Variants in EYA1 observed in about 807,000 individuals in gnomAD.
EYA1 encodes the protein EYA transcriptional coactivator and phosphatase 1, also known as protein phosphatase EYA1.
A neutral mutation model predicts 82.0 loss-of-function variants in EYA1; 16 were observed. The observed-to-expected ratio is 0.20, with a 90% CI of 0.13 to 0.30. The LOEUF (loss-of-function observed/expected upper bound fraction) is 0.30. Among genes scored for constraint, EYA1 ranks in the 10% least tolerant of loss-of-function variants. EYA1 has a pLI of 1.00. For synonymous variants in EYA1, 261 were observed against 264.4 expected (o/e 0.99, Z 0.12); for missense variants, 633 against 730.7 (o/e 0.87, Z 1.54).
intron 2 of EYA1, among the ~76,000 whole-genome samples, chr8:71,410,347 C>G (rs1290591441): frequency 1.7e-5 from 2 of 120,478 alleles, no homozygotes; most frequent in Middle Eastern, 3.9e-3. Context: ...CTCACCACTC[C>G]TATTCAACAT....
At chr8:71,288,399 G>T (rs1305522832) in intron 9 of EYA1, among the ~76,000 whole-genome samples, 1 of 152,136 alleles carries the variant, frequency 6.6e-6, no homozygotes. Flanking sequence ...ACACCCTTCT[G>T]TCTCCCAAGG....
intron 9 of EYA1, among the ~76,000 whole-genome samples, chr8:71,291,360 A>G (rs533373883): frequency 3.9e-5 from 6 of 152,206 alleles, no homozygotes; most frequent in Admixed American, 6.5e-5. Flanking sequence ...ATGGTTTCCC[A>G]TGCATATTGA....
chr8:71,251,200 A>G lies in EYA1; in HGVS notation c.1051-6508T>C, dbSNP rs75010039. 2.3e-3 allele frequency among the ~76,000 whole-genome samples: 355 copies of G among 152,364 alleles called. 1 individual carries two copies. The highest frequency in any genetic ancestry group is 8.3e-3 in the African/African-American group (346 of 41,594). The stretch of plus-strand genomic sequence containing the variant: ...TATGTATTACACCATTTTGTAAAAT[A>G]TGTTCTTATGTGCCATGAAATTTAC... On this transcript the variant is annotated intron_variant, in intron 11 of 17. Transcript: ENST00000340726.
At chr8:71,502,537 C>G (rs992310390) in intron 2 of EYA1, among the ~76,000 whole-genome samples, 28 of 152,192 alleles carry the variant, frequency 1.8e-4, no homozygotes, top group Admixed American at 1.8e-3. Context: ...TGAGTATAAG[C>G]ATGTCCCATG....
chr8:71,400,849 C>T (rs34629253), intron 2 of EYA1, among the ~76,000 whole-genome samples: 32,892 of 152,030 alleles, frequency 0.22, 4,346 homozygotes, highest in Non-Finnish European at 0.29. Context: ...ATGTTCACTG[C>T]AGCACTATTT....
At chr8:71,223,614 C>G (rs1170662583) in intron 12 of EYA1, among the ~76,000 whole-genome samples, 1 of 152,218 alleles carries the variant, frequency 6.6e-6, no homozygotes, top group Non-Finnish European at 1.5e-5. Flanking sequence ...CACGATCTCA[C>G]AGCCATGCGG....
intron 4 of EYA1, among the ~76,000 whole-genome samples, chr8:71,328,204 G>A (rs970474848): frequency 2.6e-5 from 4 of 152,062 alleles, no homozygotes; most frequent in Non-Finnish European, 5.9e-5. Flanking sequence ...TAGGAGTGGT[G>A]GCCACAGAGC....
chr8:71,427,580 T>C (rs1379833827), intron 2 of EYA1, among the ~76,000 whole-genome samples: 1 of 152,208 alleles, frequency 6.6e-6, no homozygotes, highest in Non-Finnish European at 1.5e-5. Context: ...GCTAAGATCA[T>C]GTCACCTTTT....
chr8:71,325,044 C>CA (rs2129036096), intron 4 of EYA1, among the ~76,000 whole-genome samples: 1 of 152,292 alleles, frequency 6.6e-6, no homozygotes, highest in East Asian at 1.9e-4. Context: ...TTCTCTAGCT[C>CA]ACAATCATTC....
chr8:71,371,513 C>T (rs147617644), intron 2 of EYA1, among the ~76,000 whole-genome samples: 57 of 152,230 alleles, frequency 3.7e-4, no homozygotes, highest in African/African-American at 1.3e-3. Context: ...AAATCAAGGG[C>T]AACAAGTCAT....
intron 9 of EYA1, among the ~76,000 whole-genome samples, chr8:71,274,961 C>T (rs905169606): frequency 1.4e-4 from 13 of 94,314 alleles, no homozygotes; most frequent in Non-Finnish European, 1.8e-4. Flanking sequence ...AGTGAACAAG[C>T]GCAAGCGCGT....
chr8:71,310,860 A>C (rs372323655), intron 7 of EYA1, among the ~76,000 whole-genome samples: 3 of 152,260 alleles, frequency 2.0e-5, no homozygotes, highest in Admixed American at 6.5e-5. Context: ...TATTTTAGAC[A>C]TAATACTAGA....
Position 71,310,860 on chromosome 8 carries a change from A to G in EYA1, c.556+6692T>C, listed in dbSNP as rs372323655. ...TAACAAACATTTGTATATTTTAGAC[A>G]TAATACTAGATACTGGAGATTAAAA... On this transcript the variant is annotated intron_variant, in intron 7 of 17. Transcript: ENST00000340726. Among the ~76,000 whole-genome samples the G allele has an allele frequency of 3.4e-4, 52 of 152,260 alleles. 1 individual carries two copies. The highest frequency in any genetic ancestry group is 6.3e-4 in the Non-Finnish European group (43 of 68,020).
chr8:71,481,230 T>C (rs1383979311), intron 2 of EYA1, among the ~76,000 whole-genome samples: 1 of 152,214 alleles, frequency 6.6e-6, no homozygotes, highest in Non-Finnish European at 1.5e-5. Context: ...ATTAAATATT[T>C]TTAGTTTAAA....
At chr8:71,454,611 A>C (rs979154908) in intron 2 of EYA1, among the ~76,000 whole-genome samples, 1 of 152,244 alleles carries the variant, frequency 6.6e-6, no homozygotes, top group African/African-American at 2.4e-5. Flanking sequence ...CAGGGTTAAG[A>C]AACTCACTAA....
At chr8:71,432,354 T>C (rs570438388) in intron 2 of EYA1, among the ~76,000 whole-genome samples, 2 of 152,342 alleles carry the variant, frequency 1.3e-5, no homozygotes, top group East Asian at 3.9e-4. Context: ...AGAAACGGTA[T>C]ATGACTACTA....
At chr8:71,334,400 C>A (rs1824249836) in intron 3 of EYA1, 1 of 587,500 alleles carries the variant, frequency 1.7e-6, no homozygotes, top group East Asian at 3.1e-5. Context: ...CCTTTAAAAG[C>A]AGCACTGTAA....
At chr8:71,244,532 C>G (rs575630108) in intron 12 of EYA1, 71 bp downstream of exon 12, 2 of 801,114 alleles carry the variant, frequency 2.5e-6, no homozygotes, top group African/African-American at 3.4e-5. Context: ...AAAATAATAT[C>G]CTATCTTTAT....
In EYA1 at chr8:71,304,729, G is replaced by C. The variant is rs529579859; in HGVS notation, c.557-5009C>G. On this transcript the variant is annotated intron_variant, in intron 7 of 17. Coordinates refer to ENST00000340726, the MANE Select transcript of EYA1 (RefSeq NM_000503.6). ...TCATTCTCTTCAAGCATTCAGAGCT[G>C]AAGCTTCTCAGAGCCTATCTGTGTG... Among the ~76,000 whole-genome samples, 7 of 143,146 alleles carry C rather than the reference G, an allele frequency of 4.9e-5. 1 individual carries two copies. In the South Asian group the frequency reaches 1.6e-3, roughly 33 times the overall value. 93.9% of individuals were successfully genotyped at this position (143,146 alleles called of 152,430 possible). A position where few individuals can be genotyped will look rare whatever the true frequency, so the allele number is the denominator to read the frequency against.
Sources: allele counts gnomAD v4.1 joint callset (sites outside exome capture counted in the v4.1 genomes callset), GRCh38; gene constraint gnomAD v4.1.1; transcripts MANE v1.5; gene names NCBI Gene and HGNC (gene_info 2026-07-23, HGNC 2026-07-21).